TCF12: variants seen among roughly 807,000 people sequenced by gnomAD.
The protein encoded by TCF12 is DNA-binding protein HTF4.
In TCF12, 45 loss-of-function variants were observed where a neutral mutation model predicts 86.0. That is an observed-to-expected ratio of 0.52 (90% CI 0.41 to 0.67). The LOEUF is 0.67. TCF12 is among the 30% of genes least tolerant of loss of function. The pLI is 0.00. For missense variants in TCF12, 881 were observed against 859.9 expected (o/e 1.02, Z -0.31); for synonymous variants, 330 against 299.6 (o/e 1.10, Z -1.05).
chr15:57,028,307 A>G (rs1479973567), intron 3 of TCF12, among the ~76,000 whole-genome samples: 1 of 152,144 alleles, frequency 6.6e-6, no homozygotes, highest in African/African-American at 2.4e-5. Flanking sequence ...GTATTTCTTC[A>G]TAGCCTTATG....
At chr15:57,215,203 G>A (rs1252855474) in intron 8 of TCF12, among the ~76,000 whole-genome samples, 4 of 152,136 alleles carry the variant, frequency 2.6e-5, no homozygotes, top group African/African-American at 7.2e-5. Context: ...GAATTTTGAT[G>A]TCTGACTTAA....
chr15:56,947,415 C>T (rs2061055151), intron 3 of TCF12, among the ~76,000 whole-genome samples: 1 of 152,116 alleles, frequency 6.6e-6, no homozygotes, highest in African/African-American at 2.4e-5. Flanking sequence ...TGTGCAAATT[C>T]CAGCTGCCTT....
rs67832685 is a variant in TCF12, at chr15:56,939,967, G to GTTT, written c.148+18891_148+18893dup. On this transcript the variant is annotated intron_variant, in intron 3 of 20. Coordinates refer to ENST00000333725, the MANE Select transcript of TCF12 (RefSeq NM_207037.2). Reference sequence around the variant, plus strand: ...AAAAGAAGTGATACTTTAATAGCGTGTTTTTTTTTTTTTTTTTTTTTTTTG... The same window carrying GTTT: ...AAAAGAAGTGATACTTTAATAGCGTGTTTTTTTTTTTTTTTTTTTTTTTTTTTG... 5.6e-3 allele frequency among the ~76,000 whole-genome samples: 585 copies of GTTT among 104,666 alleles called. 19 individuals are homozygous for GTTT. The highest frequency in any genetic ancestry group is 0.017 in the African/African-American group (389 of 22,916). The allele number at this position is 104,666 out of a possible 152,430, so 68.7% of individuals were successfully genotyped here.
intron 3 of TCF12, among the ~76,000 whole-genome samples, chr15:57,027,070 C>G (rs1170708954): frequency 1.3e-5 from 2 of 151,850 alleles, no homozygotes; most frequent in Non-Finnish European, 1.5e-5. Flanking sequence ...GATACAGAAA[C>G]TGAAGATACC....
intron 1 of TCF12, 138 bp from the exon 2 acceptor site, chr15:56,919,754 G>T (rs1217469113): frequency 6.0e-6 from 4 of 668,264 alleles, no homozygotes; most frequent in Non-Finnish European, 9.7e-6. Context: ...TCGCGCCGCG[G>T]TGGGAGCGAG....
intron 18 of TCF12, among the ~76,000 whole-genome samples, chr15:57,270,626 T>C (rs948611072): frequency 6.6e-6 from 1 of 152,192 alleles, no homozygotes; most frequent in African/African-American, 2.4e-5. Context: ...TTGTGTTCCT[T>C]TGGAGGAGAA....
chr15:56,994,735 G>T (rs1269668845), intron 3 of TCF12, among the ~76,000 whole-genome samples: 1 of 152,040 alleles, frequency 6.6e-6, no homozygotes, highest in Non-Finnish European at 1.5e-5. Flanking sequence ...AGGAATGAAG[G>T]TGACATAAGG....
At chr15:56,918,318 G>T (rs758392865), upstream of TCF12, 3 of 453,510 alleles carry the variant, frequency 6.6e-6, no homozygotes, top group South Asian at 4.7e-5. Context: ...CCGCTTCGGG[G>T]GCCGAGAACC....
At chr15:57,123,566 C>G (rs1325538475) in intron 5 of TCF12, among the ~76,000 whole-genome samples, 2 of 150,970 alleles carry the variant, frequency 1.3e-5, no homozygotes, top group Non-Finnish European at 2.9e-5. Context: ...CAGGCTGGAA[C>G]ATAGTGGCAC....
In TCF12 at chr15:56,990,438, G is replaced by A. The variant is rs114009209; in HGVS notation, c.148+69340G>A. Among the ~76,000 whole-genome samples the A allele has an allele frequency of 3.6e-3, 548 of 152,118 alleles. 4 individuals are homozygous for A. The highest frequency in any genetic ancestry group is 0.013 in the African/African-American group (519 of 41,508). ...ACTTGTAGTTATAGGATAAATGTATGCCAAAGCTTTCTTCAAAGAAAGCTC... is the reference window on the plus strand; with the variant it reads ...ACTTGTAGTTATAGGATAAATGTATACCAAAGCTTTCTTCAAAGAAAGCTC... On this transcript the variant is annotated intron_variant, in intron 3 of 20. Coordinates refer to ENST00000333725, the MANE Select transcript of TCF12 (RefSeq NM_207037.2).
At chr15:57,031,264 T>C (rs767263057) in intron 3 of TCF12, among the ~76,000 whole-genome samples, 2 of 152,226 alleles carry the variant, frequency 1.3e-5, no homozygotes, top group Non-Finnish European at 2.9e-5. Context: ...AGATGTGGCC[T>C]TGTGGAACTT....
At chr15:56,937,000 G>A (rs1698480557) in intron 3 of TCF12, among the ~76,000 whole-genome samples, 1 of 151,950 alleles carries the variant, frequency 6.6e-6, no homozygotes, top group South Asian at 2.1e-4. Flanking sequence ...TTCCAGTTCT[G>A]TGAAGAATGA....
intron 18 of TCF12, among the ~76,000 whole-genome samples, chr15:57,264,820 C>A (rs1361353737): frequency 2.0e-5 from 3 of 152,136 alleles, no homozygotes; most frequent in Non-Finnish European, 2.9e-5. Flanking sequence ...ACCTCTGCCT[C>A]CCGGGTTCAA....
intron 8 of TCF12, among the ~76,000 whole-genome samples, chr15:57,202,060 C>T (rs760159672): frequency 5.9e-5 from 9 of 152,126 alleles, no homozygotes; most frequent in East Asian, 1.9e-4. Context: ...CTTTGTTAAC[C>T]ATTACCCATA....
chr15:57,130,893 C>G (rs543493043), intron 5 of TCF12, among the ~76,000 whole-genome samples: 1 of 152,242 alleles, frequency 6.6e-6, no homozygotes, highest in South Asian at 2.1e-4. Context: ...GTTTAGGTAA[C>G]TGGTCCAAAA....
At chr15:57,280,382 A>G (rs987099552) in intron 19 of TCF12, among the ~76,000 whole-genome samples, 7 of 152,208 alleles carry the variant, frequency 4.6e-5, no homozygotes, top group South Asian at 2.1e-4. Flanking sequence ...TTATAGTTGT[A>G]TAGGCTCTAT....
At chr15:57,197,750 A>C in intron 7 of TCF12, 23 bp from the exon 8 acceptor site, 1 of 1,612,752 alleles carries the variant, frequency 6.2e-7, no homozygotes, top group African/African-American at 1.3e-5. Flanking sequence ...ATGCTGAAGA[A>C]ATGTATTGTT....
intron 3 of TCF12, among the ~76,000 whole-genome samples, chr15:56,952,031 T>C (rs1174164136): frequency 6.6e-6 from 1 of 152,200 alleles, no homozygotes; most frequent in Admixed American, 6.5e-5. Context: ...GTGTGACGTA[T>C]GGATTGAAGT....
At chr15:57,132,264 A>G (rs1444774156) in intron 5 of TCF12, among the ~76,000 whole-genome samples, 2 of 152,040 alleles carry the variant, frequency 1.3e-5, no homozygotes, top group Non-Finnish European at 2.9e-5. Flanking sequence ...AAATGTGTAC[A>G]TTTTTTTCTT....
Sources: allele counts gnomAD v4.1 joint callset (sites outside exome capture counted in the v4.1 genomes callset), GRCh38; gene constraint gnomAD v4.1.1; transcripts MANE v1.5; gene names NCBI Gene and HGNC (gene_info 2026-07-23, HGNC 2026-07-21).